Variants in MYO7A observed in about 807,000 individuals in gnomAD.
The protein encoded by MYO7A is unconventional myosin-VIIa.
In MYO7A, 210 loss-of-function variants were observed where a neutral mutation model predicts 263.8. The ratio of observed to expected loss-of-function variants is 0.80; its 90% CI spans 0.71 to 0.89. MYO7A has a LOEUF of 0.89. Among genes scored for constraint, MYO7A ranks in the 40% least tolerant of loss-of-function variants. MYO7A has a pLI of 0.00. For synonymous variants in MYO7A, 1,239 were observed against 1,197.3 expected (o/e 1.03, Z -0.72); for missense variants, 2,820 against 2,968.3 (o/e 0.95, Z 1.16).
intron 12 of MYO7A, among the ~76,000 whole-genome samples, chr11:77,161,365 G>C (rs1952981432): frequency 6.6e-6 from 1 of 152,074 alleles, no homozygotes; most frequent in Admixed American, 6.5e-5. Flanking sequence ...GGAAACCTCT[G>C]GTCTCCAGGA....
intron 1 of MYO7A, among the ~76,000 whole-genome samples, chr11:77,129,508 C>A (rs1399795054): frequency 6.6e-6 from 1 of 152,156 alleles, no homozygotes; most frequent in African/African-American, 2.4e-5. Context: ...GCCTTTTAAG[C>A]TCCTTCCTGA....
In MYO7A at chr11:77,191,117, C is replaced by T. The variant is rs113225356; in HGVS notation, c.3924+247C>T. 3,689 of 391,492 alleles carry T rather than the reference C, an allele frequency of 9.4e-3. 28 individuals are homozygous for T. The highest frequency in any genetic ancestry group is 0.018 in the Middle Eastern group (26 of 1,460). The allele number at this position is 391,492 out of a possible 1,614,324, so 24.3% of individuals were successfully genotyped here. A position where few individuals can be genotyped will look rare whatever the true frequency, so the allele number is the denominator to read the frequency against. ...CGGGCAGATCACAAAGTCAGGAGTT[C>T]GAGACCAGCCTGGCTAATGTAGTGA... On this transcript the variant is annotated intron_variant, in intron 30 of 48. Coordinates refer to ENST00000409709, the MANE Select transcript of MYO7A (RefSeq NM_000260.4).
chr11:77,205,624 C>CCTCCA lies in MYO7A; in HGVS notation c.5636+7_5636+8insCTCCA. On this transcript the variant is annotated splice_region_variant and intron_variant, in intron 40 of 48. Coordinates refer to ENST00000409709, the MANE Select transcript of MYO7A (RefSeq NM_000260.4). ...GGCTCCAGAAAGCCCTGAGGTACAG[C>CCTCCA]GGCCACCAGGGGCAGGGACAGACAC... is the stretch of plus-strand genomic sequence containing the variant. 2 of 1,613,044 alleles carry CCTCCA rather than the reference C, an allele frequency of 1.2e-6. No homozygotes were observed. The highest frequency in any genetic ancestry group is 1.7e-6 in the Non-Finnish European group (2 of 1,179,762).
intron 3 of MYO7A, among the ~76,000 whole-genome samples, chr11:77,146,192 G>A (rs1214678312): frequency 6.6e-6 from 1 of 152,362 alleles, no homozygotes; most frequent in East Asian, 1.9e-4. Flanking sequence ...AGTCACAGAG[G>A]CCTTTGGGGA....
chr11:77,175,754 T>G (rs1218326145), intron 18 of MYO7A, among the ~76,000 whole-genome samples: 1 of 152,232 alleles, frequency 6.6e-6, no homozygotes, highest in African/African-American at 2.4e-5. Context: ...GCAGGGGTGC[T>G]GCTTGCCTTG....
In MYO7A at chr11:77,208,505, C is replaced by G; in HGVS notation, c.5932C>G (p.Pro1978Ala). Residue 1978 changes from proline to alanine, a missense_variant, in exon 43 of 49, where the codon CCC becomes GCC. By Grantham distance (27) the Pro-to-Ala change is conservative. Coordinates refer to ENST00000409709, the MANE Select transcript of MYO7A (RefSeq NM_000260.4). Reference protein sequence around the residue: ...HLTDWIKKARPIKDGIVPSLT... With the variant: ...HLTDWIKKARAIKDGIVPSLT... ...GACAGACTGGATAAAGAAAGCTCGG[C>G]CCATCAAGGACGGTAATGAGGCCGG... The G allele has an allele frequency of 6.2e-7, 1 of 1,613,082 alleles. No homozygotes were observed.
chr11:77,164,570 C>CTG (rs1437211782), intron 14 of MYO7A, among the ~76,000 whole-genome samples: 1 of 152,112 alleles, frequency 6.6e-6, no homozygotes, highest in Non-Finnish European at 1.5e-5. Flanking sequence ...CAATATTGGA[C>CTG]TGTGAGATCC....
chr11:77,180,099 C>T (rs1955050370), intron 21 of MYO7A, 146 bp downstream of exon 21: 5 of 923,496 alleles, frequency 5.4e-6, no homozygotes, highest in Non-Finnish European at 7.9e-6. Flanking sequence ...TACCTGGGAC[C>T]AGACCCTCAT....
Position 77,184,395 on chromosome 11 carries a change from C to T in MYO7A, c.3376-193C>T, listed in dbSNP as rs45548932. ...GTGGCACCGGGCCAGTGTGCCCCTG[C>T]TGTGTGGGCCAGTTATTGGCCCAGC... is the stretch of plus-strand genomic sequence containing the variant. On this transcript the variant is annotated intron_variant, in intron 26 of 48. Coordinates refer to ENST00000409709, the MANE Select transcript of MYO7A (RefSeq NM_000260.4). 0.13 allele frequency among the ~76,000 whole-genome samples: 19,255 copies of T among 152,226 alleles called. 1,558 individuals carry two copies. Among genetic ancestry groups the T allele is most frequent in the African/African-American group, 0.22 (9,194 of 41,530 alleles).
intron 32 of MYO7A, among the ~76,000 whole-genome samples, chr11:77,196,561 G>A (rs1432167057): frequency 6.6e-6 from 1 of 152,158 alleles, no homozygotes; most frequent in African/African-American, 2.4e-5. Flanking sequence ...AAGTAGGACT[G>A]CTATGTGCAC....
chr11:77,201,173 G>A (rs1359537713), intron 35 of MYO7A, among the ~76,000 whole-genome samples: 1 of 152,232 alleles, frequency 6.6e-6, no homozygotes, highest in South Asian at 2.1e-4. Context: ...GCACAGTGAG[G>A]GAGGAGAGGC....
rs782346976 is a variant in MYO7A at position 77,159,511 on chromosome 11, A to T, written c.1068A>T (p.Ala356=). ...VLFSPSLATA[A]SLLEVNPPDL... ...TCTCCCCATCGCTGGCCACAGCTGC[A>T]TCCCTGCTTGAGGTCAGTGCCTGGC... Residue 356 remains alanine (A), a synonymous_variant, in exon 10 of 49, where the codon GCA becomes GCT. Transcript: ENST00000409709. 6.2e-7 allele frequency: 1 copy of T among 1,611,384 alleles called. No homozygotes were observed. Among genetic ancestry groups the T allele is most frequent in the Non-Finnish European group, 8.5e-7 (1 of 1,178,854 alleles).
At chr11:77,184,837 T>G (rs1555087524) in intron 27 of MYO7A, 122 bp downstream of exon 27, 2 of 1,481,470 alleles carry the variant, frequency 1.4e-6, no homozygotes, top group Admixed American at 3.9e-5. Flanking sequence ...TGCTAGCTAG[T>G]TGGTGGAGTT....
rs775511632 is a variant in MYO7A at position 77,156,950 on chromosome 11, C to T, written c.681C>T (p.Ile227=). 5 of 1,613,840 alleles carry T rather than the reference C, an allele frequency of 3.1e-6. No individual in the cohort carries two copies. The highest frequency in any genetic ancestry group is 4.5e-5 in the East Asian group (2 of 44,888). The change falls in exon 7 of 49, where the codon ATC becomes ATT. Residue 227 remains isoleucine (I), a synonymous_variant. Transcript: ENST00000409709. ...TCCACTTCAACAAGCGGGGCGCCAT[C>T]GAGGGCGCGAAGATTGAGCAGTACC... The part of the protein sequence containing the change: ...IDIHFNKRGA[I]EGAKIEQYLL...
At chr11:77,163,308 A>T (rs782746627) in intron 14 of MYO7A, among the ~76,000 whole-genome samples, 15 of 151,668 alleles carry the variant, frequency 9.9e-5, no homozygotes, top group Non-Finnish European at 2.2e-4. Flanking sequence ...TCTGTCTGTG[A>T]GTTTGACTAT....
rs559851428 is a variant in MYO7A, at chr11:77,194,301, G to A, written c.4153-53G>A. Reference sequence around the variant, plus strand: ...CCTGGAGCCTTTGGTGGTGTGGAAGGGCTTCCTGGAGGGGCCTGGGCCAAT... The same window carrying A: ...CCTGGAGCCTTTGGTGGTGTGGAAGAGCTTCCTGGAGGGGCCTGGGCCAAT... On this transcript the variant is annotated intron_variant, in intron 31 of 48. Coordinates refer to ENST00000409709, the MANE Select transcript of MYO7A (RefSeq NM_000260.4). 4 of 1,573,152 alleles carry A rather than the reference G, an allele frequency of 2.5e-6. No individual in the cohort carries two copies. In the African/African-American group the frequency reaches 4.0e-5, roughly 16 times the overall value.
intron 39 of MYO7A, among the ~76,000 whole-genome samples, chr11:77,204,652 G>T (rs889925368): frequency 2.0e-5 from 3 of 152,062 alleles, no homozygotes; most frequent in Non-Finnish European, 2.9e-5. Flanking sequence ...ATGCCCAAAG[G>T]GTGCCACCTT....
At chr11:77,191,598 G>T (rs180764065) in intron 30 of MYO7A, among the ~76,000 whole-genome samples, 1 of 152,198 alleles carries the variant, frequency 6.6e-6, no homozygotes, top group African/African-American at 2.4e-5. Context: ...TGGGCGTCCC[G>T]CAGACTCACC....
chr11:77,188,047 C>T (rs1215770715), intron 27 of MYO7A, among the ~76,000 whole-genome samples: 1 of 152,232 alleles, frequency 6.6e-6, no homozygotes, highest in Non-Finnish European at 1.5e-5. Context: ...ATCTCACCAT[C>T]ATACCTAAAG....
Sources: allele counts gnomAD v4.1 joint callset (sites outside exome capture counted in the v4.1 genomes callset), GRCh38; gene constraint gnomAD v4.1.1; transcripts MANE v1.5; gene names NCBI Gene and HGNC (gene_info 2026-07-23, HGNC 2026-07-21).